The following CFHR5 variants were observed in gnomAD, a reference collection of about 807,000 sequenced individuals.
CFHR5 encodes the protein complement factor H-related protein 5.
In CFHR5, 73 loss-of-function variants were observed where a neutral mutation model predicts 62.9. The ratio of observed to expected loss-of-function variants is 1.16; its 90% CI spans 0.96 to 1.41. The LOEUF is 1.41. Among genes scored for constraint, CFHR5 ranks in the 40% most tolerant of loss-of-function variants. The probability of loss-of-function intolerance (pLI) is 0.00; values close to 1 mark genes in which losing one functional copy is unlikely to be tolerated. For synonymous variants in CFHR5, 249 were observed against 227.2 expected, an observed-to-expected ratio of 1.10 and a Z score of -0.86; for missense variants, 779 against 679.9, an observed-to-expected ratio of 1.15 and a Z score of -1.62.
At chr1:196,984,742 C>T (rs1032207790) in intron 3 of CFHR5, among the ~76,000 whole-genome samples, 1 of 152,146 alleles carries the variant, frequency 6.6e-6, no homozygotes. Flanking sequence ...CCATCCTATG[C>T]TTACACACCT....
upstream of CFHR5, chr1:196,977,523 C>T (rs559354727): frequency 2.0e-5 from 15 of 753,054 alleles, no homozygotes; most frequent in South Asian, 2.2e-4. Context: ...TTGATGTTTT[C>T]CACAAAGGGC....
At chr1:196,983,878 GT>G in intron 2 of CFHR5, 82 bp from the exon 3 acceptor site, 1 of 965,980 alleles carries the variant, frequency 1.0e-6, no homozygotes, top group Non-Finnish European at 1.6e-6. Context: ...AGTTTTCAAA[GT>G]TTTCCTTTCT....
chr1:197,007,852 A>T (rs1389457257), intron 9 of CFHR5, among the ~76,000 whole-genome samples: 1 of 147,510 alleles, frequency 6.8e-6, no homozygotes, highest in Non-Finnish European at 1.5e-5. Flanking sequence ...TATACATTAG[A>T]TATAAATTGA....
rs534146322 is a variant in CFHR5 at position 196,999,473 on chromosome 1, A to T, written c.1147+1169A>T. Among the ~76,000 whole-genome samples the T allele has an allele frequency of 5.3e-5, 8 of 151,492 alleles. 1 individual carries two copies. The South Asian group carries it at 1.7e-3, about 31-fold the overall frequency. On this transcript the variant is annotated intron_variant, in intron 7 of 9. Transcript: ENST00000256785. Reference sequence around the variant, plus strand: ...TTTGTAACCACAAACAAATAACATTAAAAGTGTATAAAAAGTTATCCACTT... The same window carrying T: ...TTTGTAACCACAAACAAATAACATTTAAAGTGTATAAAAAGTTATCCACTT...
chr1:196,997,220 C>G (rs1558288090), intron 6 of CFHR5, among the ~76,000 whole-genome samples: 1 of 152,064 alleles, frequency 6.6e-6, no homozygotes, highest in Non-Finnish European at 1.5e-5. Context: ...CAGCAAATAC[C>G]TGGTCAGTGG....
chr1:196,977,501 C>G (rs1056130043), upstream of CFHR5: 17 of 706,016 alleles, frequency 2.4e-5, no homozygotes, highest in African/African-American at 3.0e-4. Flanking sequence ...TTCACACAAC[C>G]CTCCATGAAC....
Position 197,009,039 on chromosome 1 carries a change from C to T in CFHR5, c.*356C>T, listed in dbSNP as rs1233180727. 5.1e-6 allele frequency: 1 copy of T among 197,506 alleles called. No homozygotes were observed. Among genetic ancestry groups the T allele is most frequent in the African/African-American group, 2.4e-5 (1 of 42,144 alleles). 12.2% of individuals were successfully genotyped at this position (197,506 alleles called of 1,614,324 possible). ...AGCATCATAATATGCTGGAAGGCAT[C>T]ACAACATGGTGGAAGGGATCACGTG... On this transcript the variant is annotated 3_prime_UTR_variant, in exon 10 of 10. Transcript: ENST00000256785.
At chr1:196,990,396 A>T (rs1300240421) in intron 3 of CFHR5, among the ~76,000 whole-genome samples, 1 of 152,004 alleles carries the variant, frequency 6.6e-6, no homozygotes, top group Non-Finnish European at 1.5e-5. Flanking sequence ...GTTATGTGTG[A>T]ATTTGATCCT....
chr1:196,975,407 G>C (rs748134936), upstream of CFHR5, among the ~76,000 whole-genome samples: 7 of 152,154 alleles, frequency 4.6e-5, no homozygotes, highest in Non-Finnish European at 7.3e-5. Flanking sequence ...TTGCATATTG[G>C]TGGAAATAAT....
chr1:196,988,574 C>T (rs181415174), intron 3 of CFHR5, among the ~76,000 whole-genome samples: 1 of 152,234 alleles, frequency 6.6e-6, no homozygotes, highest in East Asian at 1.9e-4. Context: ...GAGTTTTTAG[C>T]ATGAAGCGCT....
chr1:196,999,125 T>C (rs1171236938), intron 7 of CFHR5, among the ~76,000 whole-genome samples: 1 of 151,774 alleles, frequency 6.6e-6, no homozygotes, highest in East Asian at 1.9e-4. Context: ...ATTAATGATA[T>C]AAAATACTAA....
At chr1:196,986,661 T>G (rs566831755) in intron 3 of CFHR5, among the ~76,000 whole-genome samples, 1 of 152,244 alleles carries the variant, frequency 6.6e-6, no homozygotes, top group South Asian at 2.1e-4. Flanking sequence ...GAATGATGGT[T>G]TCCAGGTTCA....
intron 7 of CFHR5, among the ~76,000 whole-genome samples, chr1:197,000,907 G>T (rs1488982705): frequency 6.6e-6 from 1 of 152,076 alleles, no homozygotes; most frequent in African/African-American, 2.4e-5. Flanking sequence ...AAATAATATT[G>T]AAAACTGACC....
intron 6 of CFHR5, among the ~76,000 whole-genome samples, chr1:196,997,096 C>T (rs142170556): frequency 2.0e-5 from 3 of 152,194 alleles, no homozygotes; most frequent in African/African-American, 7.2e-5. Flanking sequence ...CTGTTCTCCT[C>T]CTTACAGAAA....
chr1:196,983,469 G>A (rs145659086), intron 2 of CFHR5, among the ~76,000 whole-genome samples: 1 of 151,940 alleles, frequency 6.6e-6, no homozygotes, highest in Admixed American at 6.6e-5. Flanking sequence ...GTAAGGTTTG[G>A]TATTTTAACT....
rs1327760755 is a variant in CFHR5, at chr1:196,984,020, C to A, written c.313C>A (p.Leu105Met). Residue 105 changes from leucine to methionine, a missense_variant, in exon 3 of 10, where the codon CTG becomes ATG. Leu to Met is a conservative substitution (Grantham distance 15, BLOSUM62 2). Transcript: ENST00000256785. The stretch of plus-strand genomic sequence containing the variant: ...TTCTGAATCTTCAGGACTAATACAT[C>A]TGGAAGGTGATACTGTACAAATTAT... ...GHSESSGLIH[L>M]EGDTVQIICN... The A allele has an allele frequency of 6.2e-7, 1 of 1,612,580 alleles. No homozygotes were observed. Among genetic ancestry groups the A allele is most frequent in the South Asian group, 1.1e-5 (1 of 91,024 alleles).
At chr1:197,000,600 A>G (rs1462264373) in intron 7 of CFHR5, among the ~76,000 whole-genome samples, 3 of 152,154 alleles carry the variant, frequency 2.0e-5, no homozygotes, top group Non-Finnish European at 2.9e-5. Context: ...TATTATTTGT[A>G]CATTTGAGAT....
chr1:196,993,166 CA>C (rs1653892890), intron 3 of CFHR5, among the ~76,000 whole-genome samples: 1 of 152,014 alleles, frequency 6.6e-6, no homozygotes, highest in South Asian at 2.1e-4. Context: ...GGGAAAGATT[CA>C]AAAAACCTAG....
At chr1:196,992,052 A>G (rs115692158) in intron 3 of CFHR5, among the ~76,000 whole-genome samples, 2,059 of 152,286 alleles carry the variant, frequency 0.014, 46 homozygotes, top group African/African-American at 0.045. Flanking sequence ...GCCCAGTTCA[A>G]GCTTTTCCAG....
Sources: gnomAD v4.1 joint callset for allele counts (sites outside exome capture counted in the v4.1 genomes callset) on GRCh38, gnomAD v4.1.1 for gene constraint, MANE v1.5 for transcripts, NCBI Gene and HGNC (gene_info 2026-07-23, HGNC 2026-07-21) for gene names.